Variants in DGKI observed in about 807,000 individuals in gnomAD.
DGKI encodes diacylglycerol kinase iota, also known as DAG kinase iota.
In DGKI, 55 loss-of-function variants were observed where a neutral mutation model predicts 147.5. That is an observed-to-expected ratio of 0.37 (90% CI 0.30 to 0.47). The LOEUF (loss-of-function observed/expected upper bound fraction) is 0.47, where lower values mean the gene tolerates loss of function less well. DGKI is among the 20% of genes least tolerant of loss of function. The pLI is 1.00. For synonymous variants in DGKI, 469 were observed against 477.1 expected, an observed-to-expected ratio of 0.98 and a Z score of 0.22; for missense variants, 1,007 against 1,323.8, an observed-to-expected ratio of 0.76 and a Z score of 3.71.
At chr7:137,651,701 G>A (rs780359286) in intron 5 of DGKI, among the ~76,000 whole-genome samples, 4 of 152,116 alleles carry the variant, frequency 2.6e-5, no homozygotes, top group Non-Finnish European at 5.9e-5. Flanking sequence ...AAAGAACTAA[G>A]CTCGGAGGGA....
At chr7:137,429,207 A>C (rs949809792) in intron 28 of DGKI, among the ~76,000 whole-genome samples, 3 of 151,886 alleles carry the variant, frequency 2.0e-5, no homozygotes, top group African/African-American at 7.2e-5. Flanking sequence ...AAACAGAGAT[A>C]TAGATCAATG....
At chr7:137,703,647 G>GC (rs1328413429) in intron 1 of DGKI, among the ~76,000 whole-genome samples, 1 of 152,124 alleles carries the variant, frequency 6.6e-6, no homozygotes, top group East Asian at 1.9e-4. Context: ...GCTAACCAGA[G>GC]ACTTCAGTAG....
At chr7:137,395,188 A>C (rs1409215904) in intron 32 of DGKI, among the ~76,000 whole-genome samples, 1 of 152,202 alleles carries the variant, frequency 6.6e-6, no homozygotes, top group Non-Finnish European at 1.5e-5. Context: ...GGCCATATAA[A>C]TCATAGAATT....
chr7:137,562,306 T>C (rs1225185170), intron 19 of DGKI, among the ~76,000 whole-genome samples: 4 of 152,110 alleles, frequency 2.6e-5, no homozygotes, highest in Non-Finnish European at 5.9e-5. Flanking sequence ...GAGGCCAAGG[T>C]GGGCAGATCA....
chr7:137,727,556 C>G (rs1299698246), intron 1 of DGKI, among the ~76,000 whole-genome samples: 1 of 152,144 alleles, frequency 6.6e-6, no homozygotes, highest in Non-Finnish European at 1.5e-5. Context: ...CTCTGTAGGG[C>G]TCTATTTACA....
chr7:137,836,960 A>G (rs1428048130), intron 1 of DGKI, among the ~76,000 whole-genome samples: 1 of 152,226 alleles, frequency 6.6e-6, no homozygotes, highest in Non-Finnish European at 1.5e-5. Context: ...AAACCACTAG[A>G]TTGTGAAAAT....
At chr7:137,420,515 T>A (rs565813226) in intron 28 of DGKI, among the ~76,000 whole-genome samples, 2 of 152,216 alleles carry the variant, frequency 1.3e-5, no homozygotes, top group East Asian at 3.9e-4. Flanking sequence ...ATGTCACTTA[T>A]GGGAATGTGT....
intron 1 of DGKI, among the ~76,000 whole-genome samples, chr7:137,829,855 G>T (rs1400697850): frequency 6.6e-6 from 1 of 152,194 alleles, no homozygotes; most frequent in African/African-American, 2.4e-5. Flanking sequence ...TGGAAGAGTT[G>T]GTCACAGGCA....
intron 5 of DGKI, among the ~76,000 whole-genome samples, chr7:137,648,984 G>A (rs528494682): frequency 6.6e-6 from 1 of 152,004 alleles, no homozygotes; most frequent in Non-Finnish European, 1.5e-5. Flanking sequence ...AATCACTATC[G>A]TAGAAGAAAA....
At chr7:137,729,476 A>C (rs1794807128) in intron 1 of DGKI, among the ~76,000 whole-genome samples, 1 of 152,156 alleles carries the variant, frequency 6.6e-6, no homozygotes, top group Non-Finnish European at 1.5e-5. Context: ...ATATTCCTAT[A>C]TTTAAGAAAT....
chr7:137,547,300 C>A (rs1428367560), intron 20 of DGKI, among the ~76,000 whole-genome samples: 1 of 152,106 alleles, frequency 6.6e-6, no homozygotes, highest in Non-Finnish European at 1.5e-5. Flanking sequence ...CACAGTGGGA[C>A]CTAGCTTTTT....
chr7:137,590,885 G>A (rs1819585255), intron 12 of DGKI, among the ~76,000 whole-genome samples: 1 of 152,148 alleles, frequency 6.6e-6, no homozygotes, highest in South Asian at 2.1e-4. Flanking sequence ...TAGAGATGGG[G>A]GCGGCTTTTG....
intron 1 of DGKI, among the ~76,000 whole-genome samples, chr7:137,821,240 G>A (rs1272860213): frequency 2.0e-5 from 3 of 152,066 alleles, no homozygotes; most frequent in African/African-American, 7.2e-5. Context: ...ACAATCAAAG[G>A]GATATTTTGA....
intron 7 of DGKI, among the ~76,000 whole-genome samples, chr7:137,622,715 C>T (rs1165109920): frequency 1.3e-5 from 2 of 152,102 alleles, no homozygotes; most frequent in Non-Finnish European, 2.9e-5. Context: ...CTGTAGTCTG[C>T]CAACACCTGG....
At chr7:137,738,295 C>T (rs1317149076) in intron 1 of DGKI, among the ~76,000 whole-genome samples, 1 of 152,130 alleles carries the variant, frequency 6.6e-6, no homozygotes, top group East Asian at 1.9e-4. Flanking sequence ...TATACTGACT[C>T]CAAGCTACTA....
chr7:137,451,778 T>C (rs1043960025), intron 27 of DGKI, among the ~76,000 whole-genome samples: 39 of 152,228 alleles, frequency 2.6e-4, no homozygotes, highest in African/African-American at 9.4e-4. Flanking sequence ...TACAAGCTGA[T>C]CCTAATACAA....
intron 1 of DGKI, among the ~76,000 whole-genome samples, chr7:137,738,730 C>G (rs969790523): frequency 2.0e-5 from 3 of 150,596 alleles, no homozygotes; most frequent in Non-Finnish European, 4.4e-5. Context: ...AGGTTCCCCC[C>G]CCCCCTTTCC....
At chr7:137,568,732 T>C (rs1818679231) in intron 19 of DGKI, among the ~76,000 whole-genome samples, 1 of 152,134 alleles carries the variant, frequency 6.6e-6, no homozygotes, top group Non-Finnish European at 1.5e-5. Flanking sequence ...TTCTTTTCCT[T>C]TTTATCTTCA....
intron 1 of DGKI, among the ~76,000 whole-genome samples, chr7:137,774,238 T>C (rs1391651358): frequency 2.0e-5 from 3 of 152,136 alleles, no homozygotes; most frequent in Non-Finnish European, 2.9e-5. Context: ...AAAAGGTACA[T>C]TACAAACATT....
Sources: allele counts gnomAD v4.1 joint callset (sites outside exome capture counted in the v4.1 genomes callset), GRCh38; gene constraint gnomAD v4.1.1; transcripts MANE v1.5; gene names NCBI Gene and HGNC (gene_info 2026-07-23, HGNC 2026-07-21).